CAST: variants seen among roughly 807,000 people sequenced by gnomAD.
CAST encodes the protein MIR583 host.
CAST carries 76 observed loss-of-function variants against 119.6 expected under a neutral mutation model. The observed-to-expected ratio is 0.64, with a 90% CI of 0.53 to 0.77. The LOEUF is 0.77. Among genes scored for constraint, CAST ranks in the 30% least tolerant of loss-of-function variants. The probability of loss-of-function intolerance (pLI) is 0.00; values close to 1 mark genes in which losing one functional copy is unlikely to be tolerated. For missense variants in CAST, 953 were observed against 946.5 expected (o/e 1.01, Z -0.09); for synonymous variants, 319 against 331.6 (o/e 0.96, Z 0.41).
the CAST span, among the ~76,000 whole-genome samples, chr5:96,068,866 T>C: frequency 6.6e-6 from 1 of 151,462 alleles, no homozygotes; most frequent in Admixed American, 6.6e-5. Context: ...TCTTCCTGTG[T>C]GTATATATAC....
intron 3 of CAST, among the ~76,000 whole-genome samples, chr5:96,704,772 C>A (rs1255007385): frequency 1.3e-5 from 2 of 152,162 alleles, no homozygotes; most frequent in African/African-American, 4.8e-5. Context: ...ATAGAATTAG[C>A]AATCTGCTTA....
At chr5:96,067,878 A>G in the CAST span, among the ~76,000 whole-genome samples, 1 of 152,158 alleles carries the variant, frequency 6.6e-6, no homozygotes, top group Non-Finnish European at 1.5e-5. Flanking sequence ...CCCTTAAAAA[A>G]AAAAAAAACT....
the CAST span, among the ~76,000 whole-genome samples, chr5:95,976,400 G>C: frequency 1.3e-5 from 2 of 152,010 alleles, no homozygotes; most frequent in African/African-American, 4.8e-5. Flanking sequence ...TTCAGACAAA[G>C]TTCTGCAGTT....
At chr5:96,664,137 A>C (rs997160332) in intron 1 of CAST, among the ~76,000 whole-genome samples, 1 of 152,160 alleles carries the variant, frequency 6.6e-6, no homozygotes, top group African/African-American at 2.4e-5. Flanking sequence ...TCAAGAAAGA[A>C]ACTGTTACTT....
chr5:96,107,744 G>T, the CAST span, among the ~76,000 whole-genome samples: 1 of 152,128 alleles, frequency 6.6e-6, no homozygotes, highest in Non-Finnish European at 1.5e-5. Flanking sequence ...GGCGTTCTCT[G>T]TATTTCCTGA....
the CAST span, among the ~76,000 whole-genome samples, chr5:96,035,577 T>C: frequency 6.6e-6 from 1 of 151,842 alleles, no homozygotes; most frequent in Non-Finnish European, 1.5e-5. Flanking sequence ...ATCTGGTGAA[T>C]TTATCTCTGG....
chr5:96,405,673 A>G, the CAST span, among the ~76,000 whole-genome samples: 2 of 152,180 alleles, frequency 1.3e-5, no homozygotes, highest in African/African-American at 4.8e-5. Flanking sequence ...ACTGTCTCCA[A>G]AAGAAAAAGA....
At chr5:96,307,021 C>T in the CAST span, among the ~76,000 whole-genome samples, 27 of 152,232 alleles carry the variant, frequency 1.8e-4, no homozygotes, top group African/African-American at 6.0e-4. Context: ...TTTTCTGTCT[C>T]CTTGATCTGT....
At chr5:96,214,728 A>C in the CAST span, 1 of 152,212 alleles carries the variant, frequency 6.6e-6, no homozygotes, top group East Asian at 1.9e-4. Context: ...GGTGGTATGC[A>C]CTGTGATGAG....
At chr5:96,291,159 C>G in the CAST span, among the ~76,000 whole-genome samples, 1 of 152,204 alleles carries the variant, frequency 6.6e-6, no homozygotes, top group South Asian at 2.1e-4. Flanking sequence ...CAGCTGAAAT[C>G]TTGACTCTTG....
chr5:96,390,635 TTAATA>T, the CAST span: 2 of 152,648 alleles, frequency 1.3e-5, no homozygotes, highest in Non-Finnish European at 2.9e-5. Context: ...TTTTGGTTCT[TTAATA>T]TAATTTATTA....
At chr5:96,055,035 A>C in the CAST span, among the ~76,000 whole-genome samples, 6 of 152,154 alleles carry the variant, frequency 3.9e-5, no homozygotes, top group Non-Finnish European at 8.8e-5. Flanking sequence ...ATTTGAGTGC[A>C]TGCTCCCCAT....
chr5:96,427,290 A>G, the CAST span, among the ~76,000 whole-genome samples: 13 of 152,364 alleles, frequency 8.5e-5, no homozygotes, highest in Admixed American at 8.5e-4. Flanking sequence ...AAACAGTGTT[A>G]TGATTAATGT....
the CAST span, among the ~76,000 whole-genome samples, chr5:96,306,544 G>A: frequency 0.88 from 133,997 of 151,976 alleles, 59,290 homozygotes; most frequent in Non-Finnish European, 0.92. Flanking sequence ...TGATGTTAAG[G>A]TGTTGATTTT....
chr5:96,298,646 A>T, the CAST span, among the ~76,000 whole-genome samples: 9 of 152,206 alleles, frequency 5.9e-5, no homozygotes, highest in Non-Finnish European at 1.3e-4. Context: ...GCCTGAGAAC[A>T]AATTTGAACT....
chr5:96,680,872 T>A (rs1207208125), intron 2 of CAST, among the ~76,000 whole-genome samples: 1 of 152,208 alleles, frequency 6.6e-6, no homozygotes, highest in Non-Finnish European at 1.5e-5. Flanking sequence ...ACAAGAGAGT[T>A]CATACTAGTT....
At chr5:96,336,564 T>G in the CAST span, among the ~76,000 whole-genome samples, 9 of 152,336 alleles carry the variant, frequency 5.9e-5, no homozygotes, top group South Asian at 1.5e-3. Flanking sequence ...TTGTCTGTTA[T>G]GAAGAGTGGA....
the CAST span, among the ~76,000 whole-genome samples, chr5:96,148,673 G>A: frequency 1.3e-5 from 2 of 152,326 alleles, no homozygotes; most frequent in South Asian, 4.2e-4. Context: ...TGGAATCAGG[G>A]ACACTCTTTT....
At chr5:96,554,792 A>G (rs967958241) in intron 1 of CAST, among the ~76,000 whole-genome samples, 6 of 152,252 alleles carry the variant, frequency 3.9e-5, no homozygotes, top group African/African-American at 7.2e-5. Flanking sequence ...GCCAACAGAC[A>G]TAAGAAACAA....
Sources: allele counts gnomAD v4.1 joint callset (sites outside exome capture counted in the v4.1 genomes callset), GRCh38; gene constraint gnomAD v4.1.1; transcripts MANE v1.5; gene names NCBI Gene and HGNC (gene_info 2026-07-23, HGNC 2026-07-21).